PDE1A: variants seen among roughly 807,000 people sequenced by gnomAD.
PDE1A encodes the protein dual specificity calcium/calmodulin-dependent 3',5'-cyclic nucleotide phosphodiesterase 1A.
Under a neutral mutation model 61.7 loss-of-function variants are expected in PDE1A, and 35 were observed. That is an observed-to-expected ratio of 0.57 (90% confidence interval 0.43 to 0.75). The LOEUF is 0.75. Ranked by LOEUF, PDE1A falls within the 30% of genes least tolerant of loss-of-function variation. The pLI, the probability that PDE1A is intolerant of heterozygous loss-of-function variation, is 0.00. For missense variants in PDE1A, 597 were observed against 630.6 expected (o/e 0.95, Z 0.57); for synonymous variants, 232 against 213.2 (o/e 1.09, Z -0.77).
chr2:182,308,780 A>G (rs969184992), intron 1 of PDE1A, among the ~76,000 whole-genome samples: 1 of 152,072 alleles, frequency 6.6e-6, no homozygotes, highest in Non-Finnish European at 1.5e-5. Flanking sequence ...ATTTAGTTGA[A>G]GGCAAAATAT....
chr2:182,642,981 A>G, the PDE1A span, among the ~76,000 whole-genome samples: 1 of 152,214 alleles, frequency 6.6e-6, no homozygotes, highest in Non-Finnish European at 1.5e-5. Context: ...CATGTGCCCA[A>G]GCATGGAAAA....
intron 6 of PDE1A, 42 bp downstream of exon 6, chr2:182,229,964 T>C (rs1323116622): frequency 6.6e-7 from 1 of 1,523,480 alleles, no homozygotes; most frequent in Non-Finnish European, 9.0e-7. Flanking sequence ...AAGTTTGGAA[T>C]GCTTCCAAAC....
At chr2:182,414,120 A>G (rs968300739) in intron 1 of PDE1A, among the ~76,000 whole-genome samples, 1 of 152,142 alleles carries the variant, frequency 6.6e-6, no homozygotes, top group Non-Finnish European at 1.5e-5. Flanking sequence ...TTAAGAGAAG[A>G]GGTGTATTCA....
intron 1 of PDE1A, among the ~76,000 whole-genome samples, chr2:182,365,756 A>G (rs1699802727): frequency 1.3e-5 from 2 of 152,014 alleles, no homozygotes; most frequent in African/African-American, 4.8e-5. Flanking sequence ...TTGATTGAAC[A>G]TATGCTAAAA....
At chr2:182,253,714 G>A (rs143640525) in intron 2 of PDE1A, among the ~76,000 whole-genome samples, 1 of 152,140 alleles carries the variant, frequency 6.6e-6, no homozygotes, top group East Asian at 1.9e-4. Flanking sequence ...CCTTAAAAAA[G>A]GGAGTAAATA....
At chr2:182,253,511 A>G (rs1691557643) in intron 2 of PDE1A, among the ~76,000 whole-genome samples, 1 of 152,162 alleles carries the variant, frequency 6.6e-6, no homozygotes, top group African/African-American at 2.4e-5. Context: ...CACCCTTCCT[A>G]TGAAGAGGAA....
At chr2:182,627,077 T>TAATATAAATGATATATTATGTATATATAA in the PDE1A span, among the ~76,000 whole-genome samples, 1 of 21,282 alleles carries the variant, frequency 4.7e-5, no homozygotes, top group Non-Finnish European at 9.6e-5. Flanking sequence ...TATTTATATA[T>TAATATAAATGATATATTATGTATATATAA]AATATAAATG....
intron 1 of PDE1A, among the ~76,000 whole-genome samples, chr2:182,401,742 G>A (rs528327497): frequency 6.6e-6 from 1 of 152,182 alleles, no homozygotes; most frequent in Non-Finnish European, 1.5e-5. Flanking sequence ...AATTGTCTCT[G>A]TTTGCAGATG....
chr2:182,286,748 T>G (rs1299627011), intron 1 of PDE1A, among the ~76,000 whole-genome samples: 1 of 152,202 alleles, frequency 6.6e-6, no homozygotes, highest in East Asian at 1.9e-4. Context: ...TGAGGATAAA[T>G]CTATCATATG....
chr2:182,491,968 T>C (rs902767836), intron 2 of PDE1A, among the ~76,000 whole-genome samples: 4 of 152,178 alleles, frequency 2.6e-5, no homozygotes, highest in African/African-American at 9.7e-5. Flanking sequence ...TTGGCATATG[T>C]TCGGCCCATT....
intron 13 of PDE1A, among the ~76,000 whole-genome samples, chr2:182,172,661 C>T (rs1671132364): frequency 6.6e-6 from 1 of 151,994 alleles, no homozygotes; most frequent in Admixed American, 6.6e-5. Flanking sequence ...GATAAGCAGT[C>T]TAACTACACT....
At chr2:182,604,553 A>G in the PDE1A span, among the ~76,000 whole-genome samples, 1 of 152,238 alleles carries the variant, frequency 6.6e-6, no homozygotes, top group Non-Finnish European at 1.5e-5. Context: ...AATACAGTGG[A>G]AAGTTTATCG....
the PDE1A span, among the ~76,000 whole-genome samples, chr2:182,573,116 C>T: frequency 3.3e-5 from 5 of 152,046 alleles, no homozygotes; most frequent in African/African-American, 9.7e-5. Context: ...CTGCCTCGCA[C>T]GTTATTCTAT....
chr2:182,303,178 T>C (rs1436004912), intron 1 of PDE1A, among the ~76,000 whole-genome samples: 2 of 152,192 alleles, frequency 1.3e-5, no homozygotes, highest in African/African-American at 4.8e-5. Context: ...CTTTTCCAGA[T>C]GCTTTCAATT....
intron 2 of PDE1A, among the ~76,000 whole-genome samples, chr2:182,435,490 A>G (rs1364025203): frequency 4.6e-5 from 7 of 152,028 alleles, no homozygotes; most frequent in Non-Finnish European, 7.4e-5. Flanking sequence ...GTGTGGTGTC[A>G]GTCATGCGGC....
At chr2:182,515,549 T>A (rs2125970361) in intron 2 of PDE1A, among the ~76,000 whole-genome samples, 1 of 152,346 alleles carries the variant, frequency 6.6e-6, no homozygotes, top group Non-Finnish European at 1.5e-5. Flanking sequence ...TTCTATAAAC[T>A]ATAACATAAT....
At chr2:182,606,225 C>A in the PDE1A span, among the ~76,000 whole-genome samples, 1 of 152,186 alleles carries the variant, frequency 6.6e-6, no homozygotes, top group Admixed American at 6.5e-5. Context: ...ATCGCCCAGG[C>A]TGGAATGCAA....
chr2:182,254,323 G>A (rs527720851), intron 2 of PDE1A, among the ~76,000 whole-genome samples: 1 of 152,080 alleles, frequency 6.6e-6, no homozygotes, highest in Non-Finnish European at 1.5e-5. Context: ...ACTCCAAACA[G>A]CCACCCCTCC....
chr2:182,167,899 A>G (rs1054386728), exon 14 of PDE1A: 3 of 1,070,416 alleles, frequency 2.8e-6, no homozygotes, highest in Non-Finnish European at 3.4e-6. Flanking sequence ...AAACAGGTGG[A>G]CCAAGCTTTA....
Sources: allele counts gnomAD v4.1 joint callset (sites outside exome capture counted in the v4.1 genomes callset), GRCh38; gene constraint gnomAD v4.1.1; transcripts MANE v1.5; gene names NCBI Gene and HGNC (gene_info 2026-07-23, HGNC 2026-07-21).